Variants in BLK observed in about 807,000 individuals in gnomAD.
BLK encodes the protein tyrosine-protein kinase Blk.
Under a neutral mutation model 61.8 loss-of-function variants are expected in BLK, and 64 were observed. The observed-to-expected ratio is 1.03, with a 90% CI of 0.85 to 1.27. The LOEUF (loss-of-function observed/expected upper bound fraction) is 1.27, where lower values mean the gene tolerates loss of function less well. BLK is among the 50% of genes most tolerant of loss of function. BLK has a pLI of 0.00. For synonymous variants in BLK, 351 were observed against 272.0 expected (o/e 1.29, Z -2.86); for missense variants, 853 against 660.5 (o/e 1.29, Z -3.19).
In BLK at chr8:11,548,097, A is replaced by C. The variant is rs1427568580; in HGVS notation, c.241A>C (p.Lys81Gln). 6.2e-7 allele frequency: 1 copy of C among 1,613,744 alleles called. No homozygotes were observed. The highest frequency in any genetic ancestry group is 1.7e-5 in the Admixed American group (1 of 60,016). ...AMNDRDLQML[K>Q]GEKLQVLKGT... ...GAATGATCGGGACCTGCAGATGCTGAAGGGGGAGAAGCTACAGGTCCTGAA... is the reference window on the plus strand; with the variant it reads ...GAATGATCGGGACCTGCAGATGCTGCAGGGGGAGAAGCTACAGGTCCTGAA... Residue 81 changes from lysine to glutamine, a missense_variant, in exon 4 of 13, where the codon AAG (lysine) becomes CAG (glutamine). Physicochemically the swap from Lys to Gln is moderately conservative, Grantham distance 53. Coordinates refer to ENST00000259089, the MANE Select transcript of BLK (RefSeq NM_001715.3).
chr8:11,549,162 T>G, intron 5 of BLK, 40 bp downstream of exon 5: 1 of 1,531,896 alleles, frequency 6.5e-7, no homozygotes, highest in South Asian at 1.2e-5. Flanking sequence ...CAAGATGCAG[T>G]CACTGTTTCT....
rs1801625498 is a variant in BLK, at chr8:11,564,248, C to T, written c.*140C>T. 1 of 1,038,670 alleles carries T rather than the reference C, an allele frequency of 9.6e-7. No homozygotes were observed. 64.3% of individuals were successfully genotyped at this position (1,038,670 alleles called of 1,614,324 possible). Reference sequence around the variant, plus strand: ...GGAATCCAGTGGGCAGAGGCAGCTTCGCAGGGGGTCCCCGGACGGACTCCT... The same window carrying T: ...GGAATCCAGTGGGCAGAGGCAGCTTTGCAGGGGGTCCCCGGACGGACTCCT... On this transcript the variant is annotated 3_prime_UTR_variant, in exon 13 of 13. Coordinates refer to ENST00000259089, the MANE Select transcript of BLK (RefSeq NM_001715.3).
intron 11 of BLK, among the ~76,000 whole-genome samples, 155 bp downstream of exon 11, chr8:11,561,607 C>G (rs1215944046): frequency 1.3e-5 from 2 of 152,074 alleles, no homozygotes; most frequent in Non-Finnish European, 2.9e-5. Context: ...TTCATTTACC[C>G]AAATGTGTTC....
At chr8:11,563,225 G>A in intron 12 of BLK, 115 bp downstream of exon 12, 1 of 1,474,608 alleles carries the variant, frequency 6.8e-7, no homozygotes, top group Non-Finnish European at 9.2e-7. Context: ...GAGTCCCAGA[G>A]CGAAGACGGA....
At chr8:11,543,532 T>C (rs1800486056) in intron 2 of BLK, among the ~76,000 whole-genome samples, 185 bp downstream of exon 2, 1 of 152,116 alleles carries the variant, frequency 6.6e-6, no homozygotes, top group African/African-American at 2.4e-5. Context: ...CTCCCAATAA[T>C]TCTTAGCCAG....
chr8:11,528,919 A>G (rs931086), intron 1 of BLK, among the ~76,000 whole-genome samples: 2,599 of 152,234 alleles, frequency 0.017, 44 homozygotes, highest in African/African-American at 0.045. Context: ...ATGGACACAC[A>G]GAGGGGAATA....
intron 1 of BLK, among the ~76,000 whole-genome samples, chr8:11,524,210 A>G (rs1241940592): frequency 1.3e-5 from 2 of 152,208 alleles, no homozygotes; most frequent in Non-Finnish European, 2.9e-5. Flanking sequence ...TTTATACTGT[A>G]CTGTTCACAG....
chr8:11,543,381 T>C, intron 2 of BLK, 34 bp downstream of exon 2: 1 of 1,610,252 alleles, frequency 6.2e-7, no homozygotes, highest in South Asian at 1.1e-5. Flanking sequence ...AAGAGCAGAT[T>C]ACTTACTTCT....
chr8:11,559,508 C>CACACACACAA (rs1801388719), intron 10 of BLK, among the ~76,000 whole-genome samples: 1 of 60,316 alleles, frequency 1.7e-5, no homozygotes, highest in Non-Finnish European at 5.5e-5. Context: ...AACTCACAAA[C>CACACACACAA]TCACACACAC....
chr8:11,535,541 C>G (rs956187663), intron 1 of BLK, among the ~76,000 whole-genome samples: 1 of 152,186 alleles, frequency 6.6e-6, no homozygotes, highest in African/African-American at 2.4e-5. Flanking sequence ...TTCTAGTGTT[C>G]CCAGTTTCTC....
In BLK at chr8:11,549,059, C is replaced by A. The variant is rs748260678; in HGVS notation, c.305C>A (p.Thr102Lys). The change falls in exon 5 of 13, where the codon ACA becomes AAA. Residue 102 changes from threonine to lysine, a missense_variant. Coordinates refer to ENST00000259089, the MANE Select transcript of BLK (RefSeq NM_001715.3). ...TGGTGGCTGGCCAGGTCACTCGTCA[C>A]AGGAAGAGAAGGCTATGTGCCCAGT... ...GDWWLARSLVTGREGYVPSNF... is the reference protein window; with the variant it reads ...GDWWLARSLVKGREGYVPSNF... The A allele has an allele frequency of 6.8e-6, 11 of 1,611,470 alleles. No individual in the cohort carries two copies. The highest frequency in any genetic ancestry group is 4.2e-6 in the Non-Finnish European group (5 of 1,179,156).
At chr8:11,547,964 G>A (rs1404400307) in intron 3 of BLK, 68 bp from the exon 4 acceptor site, 2 of 1,356,982 alleles carry the variant, frequency 1.5e-6, no homozygotes, top group Admixed American at 3.4e-5. Flanking sequence ...TGGTAGCCAG[G>A]CTCACCCCAG....
At chr8:11,550,106 T>C in intron 5 of BLK, 53 bp from the exon 6 acceptor site, 1 of 1,502,124 alleles carries the variant, frequency 6.7e-7, no homozygotes, top group Non-Finnish European at 9.3e-7. Context: ...TGTGTGGGAA[T>C]ACTCCGAGGA....
At chr8:11,547,599 C>G (rs574032509) in intron 3 of BLK, among the ~76,000 whole-genome samples, 112 of 152,346 alleles carry the variant, frequency 7.4e-4, no homozygotes, top group African/African-American at 2.4e-3. Flanking sequence ...CAAGACCACC[C>G]CTACTGGGGA....
intron 1 of BLK, among the ~76,000 whole-genome samples, chr8:11,526,558 C>G (rs1006966284): frequency 3.3e-5 from 5 of 151,864 alleles, no homozygotes; most frequent in African/African-American, 4.8e-5. Context: ...ATCTCTAATA[C>G]AAATACAAAA....
At chr8:11,537,631 G>A (rs574495420) in intron 1 of BLK, among the ~76,000 whole-genome samples, 4 of 152,280 alleles carry the variant, frequency 2.6e-5, no homozygotes, top group African/African-American at 7.2e-5. Context: ...CCAGCTGCCA[G>A]CTCTGCCACC....
intron 1 of BLK, among the ~76,000 whole-genome samples, chr8:11,500,834 A>C (rs1375491778): frequency 2.6e-5 from 4 of 152,142 alleles, no homozygotes; most frequent in Non-Finnish European, 5.9e-5. Flanking sequence ...GTTAAAGTTT[A>C]TATAAATTAT....
intron 1 of BLK, among the ~76,000 whole-genome samples, chr8:11,507,921 C>A (rs956464047): frequency 6.6e-6 from 1 of 152,202 alleles, no homozygotes; most frequent in Non-Finnish European, 1.5e-5. Flanking sequence ...CAGGGCCCAG[C>A]ACTGCTAATC....
intron 1 of BLK, among the ~76,000 whole-genome samples, chr8:11,500,252 G>A (rs1345894361): frequency 1.3e-5 from 2 of 152,148 alleles, no homozygotes; most frequent in Non-Finnish European, 2.9e-5. Flanking sequence ...GGAGTGCAAT[G>A]GTTTGATCTC....
Sources: allele counts gnomAD v4.1 joint callset (sites outside exome capture counted in the v4.1 genomes callset), GRCh38; gene constraint gnomAD v4.1.1; transcripts MANE v1.5; gene names NCBI Gene and HGNC (gene_info 2026-07-23, HGNC 2026-07-21).